MLLT3: variants seen among roughly 807,000 people sequenced by gnomAD.
MLLT3 encodes the protein protein AF-9.
Under a neutral mutation model 53.2 loss-of-function variants are expected in MLLT3, and 4 were observed. The observed-to-expected ratio is 0.08, with a 90% CI of 0.04 to 0.17. MLLT3 has a LOEUF of 0.17. MLLT3 is among the 10% of genes least tolerant of loss of function. The pLI is 1.00. For missense variants in MLLT3, 569 were observed against 684.0 expected (o/e 0.83, Z 1.87); for synonymous variants, 283 against 230.6 (o/e 1.23, Z -2.06).
chr9:20,564,244 C>G (rs1819291245), intron 2 of MLLT3, among the ~76,000 whole-genome samples: 1 of 152,030 alleles, frequency 6.6e-6, no homozygotes, highest in Non-Finnish European at 1.5e-5. Flanking sequence ...TTCACTTAAG[C>G]CACACTGCAG....
rs1822801266 is a variant in MLLT3 at position 20,414,074 on chromosome 9, G to C, written c.772C>G (p.Pro258Ala). The C allele has an allele frequency of 3.7e-6, 6 of 1,613,840 alleles. No individual in the cohort carries two copies. Among genetic ancestry groups the C allele is most frequent in the African/African-American group, 1.3e-5 (1 of 74,876 alleles). ...VPKMAFKEPK[P>A]MSKEPKPDSN... Reference sequence around the variant, plus strand: ...TCTGGTTTTGGCTCTTTTGACATGGGTTTAGGTTCCTTGAAGGCCATCTTA... The same window carrying C: ...TCTGGTTTTGGCTCTTTTGACATGGCTTTAGGTTCCTTGAAGGCCATCTTA... The change falls in exon 5 of 11, where the codon CCC (proline) becomes GCC (alanine). Residue 258 changes from proline (P) to alanine (A), a missense_variant. Coordinates refer to ENST00000380338, the MANE Select transcript of MLLT3 (RefSeq NM_004529.4).
intron 2 of MLLT3, among the ~76,000 whole-genome samples, chr9:20,468,645 T>C (rs1389828802): frequency 6.6e-6 from 1 of 152,214 alleles, no homozygotes; most frequent in Admixed American, 6.5e-5. Flanking sequence ...TCTGGCTCCA[T>C]TTCTATCACA....
At chr9:20,348,989 A>C (rs537776470) in intron 10 of MLLT3, among the ~76,000 whole-genome samples, 2 of 152,332 alleles carry the variant, frequency 1.3e-5, no homozygotes, top group South Asian at 4.1e-4. Flanking sequence ...AATCTAGTGA[A>C]AATGTGTAAA....
At chr9:20,564,714 T>C (rs1450980890) in intron 2 of MLLT3, among the ~76,000 whole-genome samples, 3 of 152,180 alleles carry the variant, frequency 2.0e-5, no homozygotes, top group African/African-American at 7.2e-5. Flanking sequence ...TCCGCAACTA[T>C]GGCATTAAAG....
chr9:20,613,480 C>A (rs1270693985), intron 2 of MLLT3, among the ~76,000 whole-genome samples: 1 of 152,242 alleles, frequency 6.6e-6, no homozygotes, highest in East Asian at 1.9e-4. Flanking sequence ...ATAGTTAATT[C>A]TCCAGAATCC....
intron 2 of MLLT3, among the ~76,000 whole-genome samples, chr9:20,494,125 C>A (rs1202232579): frequency 1.3e-5 from 2 of 152,080 alleles, no homozygotes; most frequent in African/African-American, 2.4e-5. Flanking sequence ...ATTAAAATAT[C>A]TTTGTCAAAA....
intron 4 of MLLT3, among the ~76,000 whole-genome samples, chr9:20,433,143 G>T (rs1011519685): frequency 6.6e-6 from 1 of 151,992 alleles, no homozygotes; most frequent in African/African-American, 2.4e-5. Context: ...AGAGACACCC[G>T]TACAGGGGCT....
chr9:20,361,471 G>A (rs912823868), intron 7 of MLLT3, among the ~76,000 whole-genome samples: 17 of 152,258 alleles, frequency 1.1e-4, no homozygotes, highest in African/African-American at 3.9e-4. Flanking sequence ...TGTGGAGCCC[G>A]GCATGCTAGG....
chr9:20,464,206 G>A (rs1358942372), intron 2 of MLLT3, among the ~76,000 whole-genome samples: 1 of 151,446 alleles, frequency 6.6e-6, no homozygotes, highest in African/African-American at 2.4e-5. Flanking sequence ...ATTTTAATGT[G>A]TTAATTTATA....
At chr9:20,399,823 T>C (rs991241038) in intron 5 of MLLT3, among the ~76,000 whole-genome samples, 6 of 152,138 alleles carry the variant, frequency 3.9e-5, no homozygotes, top group Non-Finnish European at 8.8e-5. Flanking sequence ...AGTCATTCTT[T>C]TGAAAACAAA....
At chr9:20,608,019 T>G (rs1820610791) in intron 2 of MLLT3, among the ~76,000 whole-genome samples, 1 of 152,044 alleles carries the variant, frequency 6.6e-6, no homozygotes, top group African/African-American at 2.4e-5. Flanking sequence ...AGTTTGAATT[T>G]ATGGAATTAT....
At chr9:20,442,796 G>T (rs923462444) in intron 4 of MLLT3, among the ~76,000 whole-genome samples, 8 of 152,114 alleles carry the variant, frequency 5.3e-5, no homozygotes, top group Admixed American at 4.6e-4. Context: ...TGTGAAAACA[G>T]ATCATATATA....
chr9:20,507,373 A>G (rs1236062768), intron 2 of MLLT3, among the ~76,000 whole-genome samples: 1 of 152,156 alleles, frequency 6.6e-6, no homozygotes, highest in Non-Finnish European at 1.5e-5. Flanking sequence ...CTGAAGCCTA[A>G]AATTGCCTCC....
intron 2 of MLLT3, among the ~76,000 whole-genome samples, chr9:20,566,310 A>G (rs1162470205): frequency 1.3e-5 from 2 of 151,734 alleles, no homozygotes; most frequent in African/African-American, 2.4e-5. Context: ...CTCAAAAAAA[A>G]GAAGAGGGGA....
At chr9:20,559,855 C>A (rs185998921) in intron 2 of MLLT3, among the ~76,000 whole-genome samples, 131 of 152,260 alleles carry the variant, frequency 8.6e-4, no homozygotes, top group Admixed American at 1.4e-3. Flanking sequence ...CTGACAAATA[C>A]AAGGATTTTG....
intron 2 of MLLT3, among the ~76,000 whole-genome samples, chr9:20,565,144 T>TC (rs1029554904): frequency 6.6e-6 from 1 of 151,768 alleles, no homozygotes; most frequent in African/African-American, 2.4e-5. Flanking sequence ...TTTTTTTTTT[T>TC]CTCAGTATTT....
rs191067770 is a variant in MLLT3, at chr9:20,619,306, C to T, written c.193+1348G>A. Reference sequence around the variant, plus strand: ...TCCAACAAAGACCATCAAATTCAACCGTTCAAGTTTTCAGGAGGAGTTATA... The same window carrying T: ...TCCAACAAAGACCATCAAATTCAACTGTTCAAGTTTTCAGGAGGAGTTATA... On this transcript the variant is annotated intron_variant, in intron 2 of 10. Coordinates refer to ENST00000380338, the MANE Select transcript of MLLT3 (RefSeq NM_004529.4). Among the ~76,000 whole-genome samples, 234 of 152,228 alleles carry T rather than the reference C, an allele frequency of 1.5e-3. 2 individuals are homozygous for T. The highest frequency in any genetic ancestry group is 6.5e-3 in the Admixed American group (100 of 15,296).
chr9:20,580,905 C>T (rs972214970), intron 2 of MLLT3, among the ~76,000 whole-genome samples: 1 of 152,212 alleles, frequency 6.6e-6, no homozygotes, highest in African/African-American at 2.4e-5. Context: ...ACCACCTGAA[C>T]AGAAAAGCCT....
chr9:20,541,715 A>C (rs543397865), intron 2 of MLLT3, among the ~76,000 whole-genome samples: 222 of 152,352 alleles, frequency 1.5e-3, no homozygotes, highest in African/African-American at 5.2e-3. Context: ...AACCCTATCA[A>C]GTAGCTTCCA....
Sources: allele counts gnomAD v4.1 joint callset (sites outside exome capture counted in the v4.1 genomes callset), GRCh38; gene constraint gnomAD v4.1.1; transcripts MANE v1.5; gene names NCBI Gene and HGNC (gene_info 2026-07-23, HGNC 2026-07-21).